Variants in SRBD1 observed in about 807,000 individuals in gnomAD.
SRBD1 encodes the protein S1 RNA binding domain 1.
In SRBD1, 88 loss-of-function variants were observed where a neutral mutation model predicts 115.3. The observed-to-expected ratio is 0.76, with a 90% confidence interval of 0.64 to 0.91. The LOEUF (loss-of-function observed/expected upper bound fraction) is 0.91. SRBD1 is among the 40% of genes least tolerant of loss of function. SRBD1 has a pLI of 0.00. For synonymous variants in SRBD1, 509 were observed against 407.7 expected, an observed-to-expected ratio of 1.25 and a Z score of -2.99; for missense variants, 1,385 against 1,177.4, an observed-to-expected ratio of 1.18 and a Z score of -2.58.
chr2:45,575,708 T>C (rs555858027), intron 7 of SRBD1, among the ~76,000 whole-genome samples: 155 of 152,298 alleles, frequency 1.0e-3, no homozygotes, highest in Non-Finnish European at 1.8e-4. Context: ...ACAGGTCCAC[T>C]TCTTTTTCTT....
At chr2:45,489,215 C>T (rs754994098) in intron 14 of SRBD1, among the ~76,000 whole-genome samples, 1 of 152,132 alleles carries the variant, frequency 6.6e-6, no homozygotes, top group Non-Finnish European at 1.5e-5. Context: ...GGCTCTATAC[C>T]ATGTGACCAT....
chr2:45,579,755 C>T, intron 7 of SRBD1, 120 bp downstream of exon 7: 1 of 1,178,764 alleles, frequency 8.5e-7, no homozygotes, highest in Non-Finnish European at 1.1e-6. Flanking sequence ...AATTATTCTA[C>T]ATACGCTGTA....
At position 45,393,102 on chromosome 2, in the gene SRBD1, C is replaced by G. The variant is rs944160037; in HGVS notation, c.2541G>C (p.Leu847=). The G allele has an allele frequency of 3.8e-5, 61 of 1,611,992 alleles. No homozygotes were observed. The highest frequency in any genetic ancestry group is 5.0e-5 in the Non-Finnish European group (59 of 1,179,364). The change falls in exon 20 of 21, where the codon CTG becomes CTC. Residue 847 remains leucine, a synonymous_variant. Coordinates refer to ENST00000263736, the MANE Select transcript of SRBD1 (RefSeq NM_018079.5). ...MRFLSSIGGT[L]YEVGKPEMQQ... is the part of the protein sequence containing the mutation. Reference sequence around the variant, plus strand: ...GCATTTCAGGCTTTCCAACCTCATACAGTGTCCCTCCAATGGATGACAAAA... The same window carrying G: ...GCATTTCAGGCTTTCCAACCTCATAGAGTGTCCCTCCAATGGATGACAAAA...
chr2:45,607,344 G>GA, intron 1 of SRBD1, among the ~76,000 whole-genome samples: 1 of 151,752 alleles, frequency 6.6e-6, no homozygotes, highest in South Asian at 2.1e-4. Flanking sequence ...TCCTCTAGAA[G>GA]AAAAAAAGGA....
intron 16 of SRBD1, among the ~76,000 whole-genome samples, chr2:45,443,604 T>C (rs1668734903): frequency 6.6e-6 from 1 of 151,972 alleles, no homozygotes; most frequent in African/African-American, 2.4e-5. Context: ...GTGTTTAAGG[T>C]AGAAACTGTC....
intron 7 of SRBD1, among the ~76,000 whole-genome samples, chr2:45,575,610 T>C (rs1299105138): frequency 2.0e-5 from 3 of 152,220 alleles, no homozygotes; most frequent in African/African-American, 7.2e-5. Context: ...AATTAATAAA[T>C]AGAAAATATC....
intron 16 of SRBD1, among the ~76,000 whole-genome samples, chr2:45,452,129 T>C (rs1407335489): frequency 1.3e-5 from 2 of 151,996 alleles, no homozygotes; most frequent in Admixed American, 1.3e-4. Flanking sequence ...CAAAAACTGC[T>C]TTCATATGTT....
At chr2:45,480,980 A>C (rs889976902) in intron 15 of SRBD1, among the ~76,000 whole-genome samples, 1 of 152,314 alleles carries the variant, frequency 6.6e-6, no homozygotes, top group Admixed American at 6.5e-5. Context: ...TTATTTTAAG[A>C]AACTGCCACC....
intron 14 of SRBD1, among the ~76,000 whole-genome samples, chr2:45,521,922 C>G (rs1671296944): frequency 6.6e-6 from 1 of 151,604 alleles, no homozygotes; most frequent in Admixed American, 6.6e-5. Flanking sequence ...GAGCCATGAT[C>G]ATGCCACTGC....
chr2:45,417,769 A>C (rs1667874617), intron 18 of SRBD1, among the ~76,000 whole-genome samples: 1 of 152,178 alleles, frequency 6.6e-6, no homozygotes, highest in South Asian at 2.1e-4. Flanking sequence ...GAGTGGGGAA[A>C]CATATCTATG....
In SRBD1 at chr2:45,389,377, T is replaced by C. The variant is rs1666934229; in HGVS notation, c.2921A>G (p.Glu974Gly). The change falls in exon 21 of 21, where the codon GAA becomes GGA. Residue 974 changes from glutamate (E) to glycine (G), a missense_variant. Glu to Gly is a moderately conservative substitution (Grantham distance 98). Coordinates refer to ENST00000263736, the MANE Select transcript of SRBD1 (RefSeq NM_018079.5). ...SLGLGPGERV[E>G]VQVLNIDIPR... ...GATGTCAATGTTGAGTACTTGGACT[T>C]CCACTCTTTCTCCGGGGCCCAGTCC... The C allele has an allele frequency of 6.2e-7, 1 of 1,614,080 alleles. No homozygotes were observed. The highest frequency in any genetic ancestry group is 8.5e-7 in the Non-Finnish European group (1 of 1,179,976).
intron 16 of SRBD1, among the ~76,000 whole-genome samples, chr2:45,435,768 C>T (rs577327673): frequency 6.6e-6 from 1 of 152,048 alleles, no homozygotes; most frequent in Non-Finnish European, 1.5e-5. Flanking sequence ...ACTACCCCCA[C>T]CCTAACAAAA....
intron 15 of SRBD1, among the ~76,000 whole-genome samples, chr2:45,487,510 G>A (rs548950830): frequency 1.3e-5 from 2 of 152,092 alleles, no homozygotes; most frequent in East Asian, 1.9e-4. Context: ...CAAATATTTG[G>A]CAATAAACTG....
intron 12 of SRBD1, 82 bp from the exon 13 acceptor site, chr2:45,547,694 AC>A: frequency 8.6e-7 from 1 of 1,160,242 alleles, no homozygotes. Context: ...GCAAGTTGTA[AC>A]AGAAAAGGAG....
At chr2:45,588,172 G>C (rs528072962) in intron 4 of SRBD1, among the ~76,000 whole-genome samples, 1 of 152,160 alleles carries the variant, frequency 6.6e-6, no homozygotes, top group Non-Finnish European at 1.5e-5. Flanking sequence ...CAACAAGAAT[G>C]TTATTTTCAA....
intron 14 of SRBD1, among the ~76,000 whole-genome samples, chr2:45,518,474 G>C (rs866993303): frequency 6.6e-6 from 1 of 152,174 alleles, no homozygotes; most frequent in Non-Finnish European, 1.5e-5. Flanking sequence ...TTGCTGAGTG[G>C]AGTGGAAGAG....
intron 2 of SRBD1, among the ~76,000 whole-genome samples, chr2:45,603,110 G>A (rs1299005494): frequency 6.6e-6 from 1 of 152,148 alleles, no homozygotes; most frequent in African/African-American, 2.4e-5. Flanking sequence ...TCATCAAACT[G>A]AGCAGGATGA....
chr2:45,415,446 AAAC>A (rs1667789700), intron 18 of SRBD1, among the ~76,000 whole-genome samples: 1 of 144,490 alleles, frequency 6.9e-6, no homozygotes, highest in East Asian at 2.1e-4. Context: ...CACATTTAAA[AAAC>A]AAAAATATAC....
chr2:45,480,211 A>G (rs1207293437), intron 15 of SRBD1, among the ~76,000 whole-genome samples: 1 of 152,206 alleles, frequency 6.6e-6, no homozygotes, highest in East Asian at 1.9e-4. Context: ...TCTGCATACC[A>G]TGTATCAAGG....
Sources: gnomAD v4.1 joint callset for allele counts (sites outside exome capture counted in the v4.1 genomes callset) on GRCh38, gnomAD v4.1.1 for gene constraint, MANE v1.5 for transcripts, NCBI Gene and HGNC (gene_info 2026-07-23, HGNC 2026-07-21) for gene names.